VAPB: variants seen among roughly 807,000 people sequenced by gnomAD.
VAPB encodes the protein vesicle-associated membrane protein-associated protein B/C.
In VAPB, 7 loss-of-function variants were observed where a neutral mutation model predicts 25.6. The ratio of observed to expected loss-of-function variants is 0.27; its 90% CI spans 0.16 to 0.51. VAPB has a LOEUF of 0.51. VAPB is among the 20% of genes least tolerant of loss of function. The probability of loss-of-function intolerance (pLI) is 0.97; values close to 1 mark genes in which losing one functional copy is unlikely to be tolerated. For synonymous variants in VAPB, 112 were observed against 109.2 expected (o/e 1.03, Z -0.16); for missense variants, 266 against 301.3 (o/e 0.88, Z 0.87).
In VAPB at chr20:58,447,250, A is replaced by G. The variant is rs1362211731; in HGVS notation, c.*3015A>G. 2.2e-6 allele frequency: 1 copy of G among 454,154 alleles called. No homozygotes were observed. The highest frequency in any genetic ancestry group is 6.9e-5 in the East Asian group (1 of 14,402). 28.1% of individuals were successfully genotyped at this position (454,154 alleles called of 1,614,324 possible). ...AATTGGTAACTTAAGCTTCCTTGGCACGATACAAAATACCTCTTAAAGACA... is the reference window on the plus strand; with the variant it reads ...AATTGGTAACTTAAGCTTCCTTGGCGCGATACAAAATACCTCTTAAAGACA... On this transcript the variant is annotated 3_prime_UTR_variant, in exon 6 of 6. Transcript: ENST00000475243.
intron 1 of VAPB, among the ~76,000 whole-genome samples, chr20:58,390,797 A>G (rs1220286584): frequency 6.6e-6 from 1 of 152,168 alleles, no homozygotes; most frequent in Non-Finnish European, 1.5e-5. Flanking sequence ...CCAGTTGGCA[A>G]ATGGTACATT....
chr20:58,438,896 C>A, intron 3 of VAPB, 49 bp from the exon 4 acceptor site: 1 of 1,507,078 alleles, frequency 6.6e-7, no homozygotes, highest in Non-Finnish European at 9.2e-7. Flanking sequence ...GAAAGTTATT[C>A]TTCCAGCAGG....
At position 58,434,297 on chromosome 20, in the gene VAPB, T is replaced by G. The variant is rs531601107; in HGVS notation, c.212-305T>G. ...TGGTGTTGCTACCCAGTTTCCCAAT[T>G]CTGTAAGGCCTGTAGCAGACATTTA... On this transcript the variant is annotated intron_variant, in intron 2 of 5. Coordinates refer to ENST00000475243, the MANE Select transcript of VAPB (RefSeq NM_004738.5). Among the ~76,000 whole-genome samples the G allele has an allele frequency of 1.3e-4, 20 of 152,314 alleles. No individual in the cohort carries two copies. The South Asian group carries it at 4.1e-3, about 32-fold the overall frequency.
intron 2 of VAPB, among the ~76,000 whole-genome samples, chr20:58,433,226 C>G (rs542870553): frequency 6.6e-6 from 1 of 152,330 alleles, no homozygotes; most frequent in South Asian, 2.1e-4. Flanking sequence ...GGGTGCTAGA[C>G]TGCACTTGTA....
rs1215743256 is a variant in VAPB at position 58,446,433 on chromosome 20, C to T, written c.*2198C>T. The T allele has an allele frequency of 4.4e-6, 2 of 454,058 alleles. No individual in the cohort carries two copies. Among genetic ancestry groups the T allele is most frequent in the Admixed American group, 4.7e-5 (2 of 42,578 alleles). 28.1% of individuals were successfully genotyped at this position (454,058 alleles called of 1,614,324 possible). A position where few individuals can be genotyped will look rare whatever the true frequency, so the allele number is the denominator to read the frequency against. Reference sequence around the variant, plus strand: ...ACAGTCCCATTACACTAGAGCAGGGCTCTATTTATTTTTAAAGGATATGGC... The same window carrying T: ...ACAGTCCCATTACACTAGAGCAGGGTTCTATTTATTTTTAAAGGATATGGC... On this transcript the variant is annotated 3_prime_UTR_variant, in exon 6 of 6. Coordinates refer to ENST00000475243, the MANE Select transcript of VAPB (RefSeq NM_004738.5).
At chr20:58,430,843 T>C (rs971237782) in intron 2 of VAPB, among the ~76,000 whole-genome samples, 5 of 152,238 alleles carry the variant, frequency 3.3e-5, no homozygotes, top group East Asian at 1.9e-4. Flanking sequence ...CCCAAAGTGC[T>C]GGGATTACAG....
rs1989315023 is a variant in VAPB, at chr20:58,447,275, A to C, written c.*3040A>C. The C allele has an allele frequency of 2.2e-6, 1 of 454,026 alleles. No individual in the cohort carries two copies. Among genetic ancestry groups the C allele is most frequent in the African/African-American group, 2.0e-5 (1 of 50,014 alleles). The allele number at this position is 454,026 out of a possible 1,614,324, so 28.1% of individuals were successfully genotyped here. A position where few individuals can be genotyped will look rare whatever the true frequency, so the allele number is the denominator to read the frequency against. On this transcript the variant is annotated 3_prime_UTR_variant, in exon 6 of 6. Transcript: ENST00000475243. ...ACGATACAAAATACCTCTTAAAGAC[A>C]GCAGGCTTTTTTATTTGTAGGTGTG...
chr20:58,428,547 GA>G (rs1426445087), intron 2 of VAPB, among the ~76,000 whole-genome samples: 1 of 152,086 alleles, frequency 6.6e-6, no homozygotes, highest in African/African-American at 2.4e-5. Flanking sequence ...AGCTACTCAG[GA>G]GGCTAAGGCG....
intron 2 of VAPB, among the ~76,000 whole-genome samples, chr20:58,419,773 C>T (rs770199400): frequency 6.6e-6 from 1 of 152,024 alleles, no homozygotes; most frequent in African/African-American, 2.4e-5. Context: ...CTTTTGTTCC[C>T]CTCTTCTATC....
At position 58,446,703 on chromosome 20, in the gene VAPB, A is replaced by G. The variant is rs1200221142; in HGVS notation, c.*2468A>G. ...CCCTTCTAGAGGTTAGGACTTGGTGAACATGTTTGTGGGCCTTTTGACTGA... is the reference window on the plus strand; with the variant it reads ...CCCTTCTAGAGGTTAGGACTTGGTGGACATGTTTGTGGGCCTTTTGACTGA... On this transcript the variant is annotated 3_prime_UTR_variant, in exon 6 of 6. Coordinates refer to ENST00000475243, the MANE Select transcript of VAPB (RefSeq NM_004738.5). 4.4e-6 allele frequency: 2 copies of G among 454,072 alleles called. No homozygotes were observed. The allele number at this position is 454,072 out of a possible 1,614,324, so 28.1% of individuals were successfully genotyped here. A position where few individuals can be genotyped will look rare whatever the true frequency, so the allele number is the denominator to read the frequency against.
intron 2 of VAPB, among the ~76,000 whole-genome samples, chr20:58,424,781 A>C (rs905200558): frequency 2.0e-4 from 31 of 152,382 alleles, no homozygotes; most frequent in African/African-American, 5.8e-4. Context: ...TCTCAGCACA[A>C]ACAAATTAAT....
At chr20:58,393,927 T>TC (rs763600892) in intron 1 of VAPB, among the ~76,000 whole-genome samples, 2 of 152,178 alleles carry the variant, frequency 1.3e-5, no homozygotes, top group Non-Finnish European at 2.9e-5. Context: ...AGACAGGGTT[T>TC]CTCCCTGTTG....
At position 58,448,681 on chromosome 20, in the gene VAPB, G is replaced by A. The variant is rs79623348; in HGVS notation, c.*4446G>A. On this transcript the variant is annotated 3_prime_UTR_variant, in exon 6 of 6. Transcript: ENST00000475243. Reference sequence around the variant, plus strand: ...CTGTACATCTTTTGTGTCTGCCTCCGTACCTTATTCAGTTATTTTCACACT... The same window carrying A: ...CTGTACATCTTTTGTGTCTGCCTCCATACCTTATTCAGTTATTTTCACACT... The A allele has an allele frequency of 0.062, 28,069 of 453,576 alleles. 1,217 individuals carry two copies. The highest frequency in any genetic ancestry group is 0.085 in the Non-Finnish European group (19,262 of 226,514). 28.1% of individuals were successfully genotyped at this position (453,576 alleles called of 1,614,324 possible). A position where few individuals can be genotyped will look rare whatever the true frequency, so the allele number is the denominator to read the frequency against.
chr20:58,393,803 G>A (rs932826256), intron 1 of VAPB, among the ~76,000 whole-genome samples: 1 of 152,108 alleles, frequency 6.6e-6, no homozygotes, highest in African/African-American at 2.4e-5. Flanking sequence ...CGCGATCTTG[G>A]CTCACCGCAA....
chr20:58,446,843 C>T lies in VAPB; in HGVS notation c.*2608C>T, dbSNP rs1283284566. On this transcript the variant is annotated 3_prime_UTR_variant, in exon 6 of 6. Coordinates refer to ENST00000475243, the MANE Select transcript of VAPB (RefSeq NM_004738.5). ...CCAGGAAAAGAAAGAATGTGGAGCACGCGTGGCTCCTGGAGGACTTGGAGA... is the reference window on the plus strand; with the variant it reads ...CCAGGAAAAGAAAGAATGTGGAGCATGCGTGGCTCCTGGAGGACTTGGAGA... The T allele has an allele frequency of 1.8e-5, 8 of 453,912 alleles. No individual in the cohort carries two copies. Among genetic ancestry groups the T allele is most frequent in the South Asian group, 6.2e-5 (4 of 64,470 alleles). 28.1% of individuals were successfully genotyped at this position (453,912 alleles called of 1,614,324 possible). A position where few individuals can be genotyped will look rare whatever the true frequency, so the allele number is the denominator to read the frequency against.
intron 2 of VAPB, among the ~76,000 whole-genome samples, chr20:58,431,710 G>A (rs1279890406): frequency 6.6e-6 from 1 of 152,016 alleles, no homozygotes; most frequent in Non-Finnish European, 1.5e-5. Context: ...TCAAGTAGCT[G>A]GGACTATAGG....
chr20:58,435,271 T>G (rs1446576212), intron 3 of VAPB, among the ~76,000 whole-genome samples: 1 of 152,062 alleles, frequency 6.6e-6, no homozygotes, highest in Non-Finnish European at 1.5e-5. Context: ...ATAAGTGATG[T>G]TAGTGATGGT....
intron 1 of VAPB, among the ~76,000 whole-genome samples, chr20:58,410,412 T>C (rs1470424515): frequency 6.6e-6 from 1 of 151,892 alleles, no homozygotes; most frequent in Non-Finnish European, 1.5e-5. Flanking sequence ...ACACCGTATT[T>C]ATTTATTTAT....
Position 58,448,332 on chromosome 20 carries a change from C to G in VAPB, c.*4097C>G, listed in dbSNP as rs1441646440. On this transcript the variant is annotated 3_prime_UTR_variant, in exon 6 of 6. Transcript: ENST00000475243. ...CCTAATTGGATTTGGAGAACGCCTT[C>G]CCTGGCCCCTTTTCCTCAGACAGAT... The G allele has an allele frequency of 4.4e-6, 2 of 453,742 alleles. No homozygotes were observed. Among genetic ancestry groups the G allele is most frequent in the South Asian group, 3.1e-5 (2 of 64,474 alleles). The allele number at this position is 453,742 out of a possible 1,614,324, so 28.1% of individuals were successfully genotyped here.
Sources: gnomAD v4.1 joint callset for allele counts (sites outside exome capture counted in the v4.1 genomes callset) on GRCh38, gnomAD v4.1.1 for gene constraint, MANE v1.5 for transcripts, NCBI Gene and HGNC (gene_info 2026-07-23, HGNC 2026-07-21) for gene names.